The following DNTT variants were observed in gnomAD, a reference collection of about 807,000 sequenced individuals.
DNTT encodes DNA nucleotidylexotransferase, also known as nucleosidetriphosphate:DNA deoxynucleotidylexotransferase.
A neutral mutation model predicts 60.9 loss-of-function variants in DNTT; 47 were observed. The ratio of observed to expected loss-of-function variants is 0.77; its 90% CI spans 0.61 to 0.98. The LOEUF is 0.98. Among genes scored for constraint, DNTT ranks in the 50% least tolerant of loss-of-function variants. The pLI is 0.00. For synonymous variants in DNTT, 224 were observed against 221.2 expected (o/e 1.01, Z -0.11); for missense variants, 665 against 627.5 (o/e 1.06, Z -0.64).
chr10:96,328,742 A>C lies in DNTT; in HGVS notation c.1025A>C (p.His342Pro), dbSNP rs1844969022. The C allele has an allele frequency of 6.2e-7, 1 of 1,613,728 alleles. No homozygotes were observed. The highest frequency in any genetic ancestry group is 8.5e-7 in the Non-Finnish European group (1 of 1,179,856). The change falls in exon 8 of 11, where the codon CAT becomes CCT. Residue 342 changes from histidine to proline, a missense_variant. Transcript: ENST00000371174. Reference protein sequence around the residue: ...GGFRRGKKMGHDVDFLITSPG... With the variant: ...GGFRRGKKMGPDVDFLITSPG... ...AAAATTAGGGGTAAGAAGATGGGGC[A>C]TGATGTAGATTTTTTAATTACCAGC...
At chr10:96,314,975 C>T (rs1172257820) in intron 1 of DNTT, among the ~76,000 whole-genome samples, 5 of 152,172 alleles carry the variant, frequency 3.3e-5, no homozygotes, top group South Asian at 2.1e-4. Context: ...TAATACTGCT[C>T]GGTAAGGGCT....
At chr10:96,336,940 G>A (rs34923458) in intron 10 of DNTT, among the ~76,000 whole-genome samples, 33,781 of 129,918 alleles carry the variant, frequency 0.26, 6,814 homozygotes, top group African/African-American at 0.56. Flanking sequence ...TCTGTGTCAG[G>A]AAAAAAAAAA....
intron 7 of DNTT, 54 bp downstream of exon 7, chr10:96,327,654 T>C (rs1589375340): frequency 6.4e-7 from 1 of 1,568,464 alleles, no homozygotes; most frequent in Non-Finnish European, 8.6e-7. Context: ...AGTGGCTCCC[T>C]GACTTGGACA....
At chr10:96,327,244 G>C (rs1224024098) in intron 6 of DNTT, among the ~76,000 whole-genome samples, 1 of 152,172 alleles carries the variant, frequency 6.6e-6, no homozygotes, top group African/African-American at 2.4e-5. Flanking sequence ...TCCTTCTCAG[G>C]AAATTGTAAG....
chr10:96,331,967 G>T (rs1025911271), intron 8 of DNTT, among the ~76,000 whole-genome samples: 1 of 152,088 alleles, frequency 6.6e-6, no homozygotes, highest in Non-Finnish European at 1.5e-5. Context: ...ATGTAGAAAT[G>T]AGGTCTTATT....
At chr10:96,307,767 A>G (rs1259211137) in intron 1 of DNTT, among the ~76,000 whole-genome samples, 1 of 110,610 alleles carries the variant, frequency 9.0e-6, no homozygotes, top group Non-Finnish European at 1.7e-5. Context: ...GCATATATAT[A>G]TATATATATA....
chr10:96,308,062 A>C (rs1365677611), intron 1 of DNTT, among the ~76,000 whole-genome samples: 2 of 152,160 alleles, frequency 1.3e-5, no homozygotes, highest in African/African-American at 4.8e-5. Flanking sequence ...ATGTACTTTA[A>C]AAATAAAAAT....
rs1844857727 is a variant in DNTT at position 96,320,635 on chromosome 10, G to C, written c.525G>C (p.Leu175=). 1 of 1,613,668 alleles carries C rather than the reference G, an allele frequency of 6.2e-7. No homozygotes were observed. The change falls in exon 4 of 11, where the codon CTG becomes CTC. Residue 175 remains leucine (L), a synonymous_variant. Coordinates refer to ENST00000371174, the MANE Select transcript of DNTT (RefSeq NM_004088.4). Reference sequence around the variant, plus strand: ...TCCTGCAGGATGCCTTTGATATACTGGCTGAAAACTGTGAGTTTAGAGAAA... The same window carrying C: ...TCCTGCAGGATGCCTTTGATATACTCGCTGAAAACTGTGAGTTTAGAGAAA... ...NQIFTDAFDI[L]AENCEFRENE...
intron 4 of DNTT, among the ~76,000 whole-genome samples, chr10:96,322,154 A>G (rs1844888132): frequency 2.0e-5 from 3 of 152,190 alleles, no homozygotes. Flanking sequence ...GTCATCTGGT[A>G]GTAAGTTTCT....
rs1303777260 is a variant in DNTT at position 96,338,133 on chromosome 10, T to C, written c.1444-5T>C. On this transcript the variant is annotated splice_polypyrimidine_tract_variant and splice_region_variant and intron_variant, in intron 10 of 10. Transcript: ENST00000371174. Reference sequence around the variant, plus strand: ...GAATGCACATATTTCTTGTTATGTTTTCAGAGGATATTCCTCAAAGCAGAA... The same window carrying C: ...GAATGCACATATTTCTTGTTATGTTCTCAGAGGATATTCCTCAAAGCAGAA... 1 of 1,611,874 alleles carries C rather than the reference T, an allele frequency of 6.2e-7. No homozygotes were observed. The highest frequency in any genetic ancestry group is 1.1e-5 in the South Asian group (1 of 90,470).
chr10:96,331,636 A>G (rs907386509), intron 8 of DNTT, among the ~76,000 whole-genome samples: 1 of 152,180 alleles, frequency 6.6e-6, no homozygotes, highest in Non-Finnish European at 1.5e-5. Context: ...ATCTTCCCCT[A>G]TGACCCAAAG....
chr10:96,335,781 A>T, intron 9 of DNTT, 110 bp from the exon 10 acceptor site: 1 of 1,281,350 alleles, frequency 7.8e-7, no homozygotes, highest in Non-Finnish European at 1.1e-6. Context: ...GAGGAAAATC[A>T]CTTTGAGAAT....
chr10:96,304,913 A>G (rs1844616277), intron 1 of DNTT, among the ~76,000 whole-genome samples: 1 of 152,204 alleles, frequency 6.6e-6, no homozygotes, highest in African/African-American at 2.4e-5. Context: ...ACACCAAAAG[A>G]TGAGATAAAT....
intron 1 of DNTT, among the ~76,000 whole-genome samples, chr10:96,316,482 A>G (rs1219660504): frequency 6.6e-6 from 1 of 152,208 alleles, no homozygotes; most frequent in Non-Finnish European, 1.5e-5. Flanking sequence ...CACTGGCTCC[A>G]CAACCCCAGA....
intron 9 of DNTT, 115 bp downstream of exon 9, chr10:96,332,711 C>G: frequency 6.8e-7 from 1 of 1,471,366 alleles, no homozygotes; most frequent in East Asian, 2.3e-5. Context: ...AGGGGAGGGG[C>G]CAGTACCCAG....
intron 5 of DNTT, 46 bp from the exon 6 acceptor site, chr10:96,324,217 TATA>T (rs750577979): frequency 6.3e-7 from 1 of 1,583,574 alleles, no homozygotes; most frequent in South Asian, 1.2e-5. Flanking sequence ...ACTCGGATGT[TATA>T]ATGATTATCT....
chr10:96,330,581 GT>G (rs935068995), intron 8 of DNTT, among the ~76,000 whole-genome samples: 1 of 152,094 alleles, frequency 6.6e-6, no homozygotes, highest in Non-Finnish European at 1.5e-5. Flanking sequence ...TTCAAATGGT[GT>G]TTTTTCTTCA....
At chr10:96,323,915 A>G (rs1844908998) in intron 5 of DNTT, among the ~76,000 whole-genome samples, 1 of 152,148 alleles carries the variant, frequency 6.6e-6, no homozygotes, top group Non-Finnish European at 1.5e-5. Context: ...GCAGAGCATG[A>G]GTGTCGGTGA....
chr10:96,322,566 G>T, intron 4 of DNTT, 91 bp from the exon 5 acceptor site: 1 of 1,034,406 alleles, frequency 9.7e-7, no homozygotes, highest in Non-Finnish European at 1.4e-6. Flanking sequence ...CATTTCATGA[G>T]AAACCAAACT....
Sources: allele counts gnomAD v4.1 joint callset (sites outside exome capture counted in the v4.1 genomes callset), GRCh38; gene constraint gnomAD v4.1.1; transcripts MANE v1.5; gene names NCBI Gene and HGNC (gene_info 2026-07-23, HGNC 2026-07-21).